Variants in HSD17B3 observed in about 807,000 individuals in gnomAD.
HSD17B3 encodes the protein hydroxysteroid 17-beta dehydrogenase 3.
HSD17B3 carries 29 observed loss-of-function variants against 41.1 expected under a neutral mutation model. The ratio of observed to expected loss-of-function variants is 0.71; its 90% CI spans 0.53 to 0.96. HSD17B3 has a LOEUF of 0.96. HSD17B3 is among the 40% of genes least tolerant of loss of function. HSD17B3 has a pLI of 0.00. For synonymous variants in HSD17B3, 126 were observed against 145.6 expected (o/e 0.87, Z 0.97); for missense variants, 323 against 374.6 (o/e 0.86, Z 1.14).
chr9:96,258,837 G>A (rs1825759334), intron 2 of HSD17B3, among the ~76,000 whole-genome samples: 1 of 152,028 alleles, frequency 6.6e-6, no homozygotes, highest in African/African-American at 2.4e-5. Context: ...TTTCTTGTTA[G>A]GTTTGTGTTA....
chr9:96,236,193 T>TC (rs1190533186), intron 10 of HSD17B3, among the ~76,000 whole-genome samples: 1 of 151,804 alleles, frequency 6.6e-6, no homozygotes, highest in African/African-American at 2.4e-5. Flanking sequence ...CCACTTGTCT[T>TC]CAAGTCCTTT....
At chr9:96,289,674 A>C (rs1827071438) in intron 2 of HSD17B3, among the ~76,000 whole-genome samples, 1 of 152,158 alleles carries the variant, frequency 6.6e-6, no homozygotes, top group Non-Finnish European at 1.5e-5. Context: ...GGCCTTTTAG[A>C]GGTTCCATGT....
At chr9:96,281,105 C>G (rs1426861066) in intron 2 of HSD17B3, among the ~76,000 whole-genome samples, 1 of 152,102 alleles carries the variant, frequency 6.6e-6, no homozygotes, top group Non-Finnish European at 1.5e-5. Context: ...CTTTCCTGCT[C>G]AAGACCCAAG....
intron 2 of HSD17B3, among the ~76,000 whole-genome samples, chr9:96,267,733 TAAA>T (rs1380177300): frequency 6.6e-6 from 1 of 151,542 alleles, no homozygotes; most frequent in African/African-American, 2.4e-5. Flanking sequence ...GGAAGAGAAA[TAAA>T]GAATGTTTTC....
chr9:96,265,331 T>A (rs1826013113), intron 2 of HSD17B3, among the ~76,000 whole-genome samples: 1 of 152,266 alleles, frequency 6.6e-6, no homozygotes, highest in Admixed American at 6.5e-5. Context: ...TTCACTCAGA[T>A]CTTTTGTCTT....
At chr9:96,278,372 A>G (rs1029283513) in intron 2 of HSD17B3, among the ~76,000 whole-genome samples, 2 of 152,250 alleles carry the variant, frequency 1.3e-5, no homozygotes, top group East Asian at 3.8e-4. Context: ...CAATATATTA[A>G]GAAGTCATAC....
rs112919634 is a variant in HSD17B3, at chr9:96,287,453, G to A, written c.201+10963C>T. Among the ~76,000 whole-genome samples, 6 of 152,354 alleles carry A rather than the reference G, an allele frequency of 3.9e-5. 1 individual carries two copies. The highest frequency in any genetic ancestry group is 1.4e-4 in the African/African-American group (6 of 41,594). ...TGGCCGGGCGTGGTGGCTCACGCCT[G>A]TAATGCCAGCACTTTGGGAGGCCGA... is the stretch of plus-strand genomic sequence containing the variant. On this transcript the variant is annotated intron_variant, in intron 2 of 10. Transcript: ENST00000375263.
At chr9:96,273,191 A>T (rs1826328781) in intron 2 of HSD17B3, among the ~76,000 whole-genome samples, 1 of 152,184 alleles carries the variant, frequency 6.6e-6, no homozygotes, top group Non-Finnish European at 1.5e-5. Context: ...AGATGTTACC[A>T]TTAGGAGAAA....
rs571647873 is a variant in HSD17B3, at chr9:96,287,432, C to T, written c.201+10984G>A. Among the ~76,000 whole-genome samples, 10 of 152,294 alleles carry T rather than the reference C, an allele frequency of 6.6e-5. No individual in the cohort carries two copies. The South Asian group carries it at 1.0e-3, about 16-fold the overall frequency. The stretch of plus-strand genomic sequence containing the variant: ...CGACCTTAATGATAACTTTACTGGC[C>T]GGGCGTGGTGGCTCACGCCTGTAAT... On this transcript the variant is annotated intron_variant, in intron 2 of 10. Transcript: ENST00000375263.
chr9:96,292,368 G>T (rs1450656139), intron 2 of HSD17B3, among the ~76,000 whole-genome samples: 1 of 152,092 alleles, frequency 6.6e-6, no homozygotes. Flanking sequence ...TGTTTTTATT[G>T]ATTTATTTAT....
intron 2 of HSD17B3, among the ~76,000 whole-genome samples, chr9:96,283,878 T>C (rs1377549952): frequency 6.6e-6 from 1 of 151,998 alleles, no homozygotes; most frequent in Non-Finnish European, 1.5e-5. Context: ...AGAGCTGAAA[T>C]GTTCATGAAT....
intron 2 of HSD17B3, among the ~76,000 whole-genome samples, chr9:96,285,781 C>T (rs1587778215): frequency 6.6e-6 from 1 of 152,114 alleles, no homozygotes; most frequent in East Asian, 1.9e-4. Flanking sequence ...AATAGTTAAG[C>T]AGGAATATCA....
intron 6 of HSD17B3, among the ~76,000 whole-genome samples, chr9:96,249,020 C>T (rs140710091): frequency 0.034 from 5,205 of 152,186 alleles, 222 homozygotes; most frequent in Admixed American, 0.12. Flanking sequence ...ATTCTCCTGC[C>T]TCAGCCTCCT....
intron 4 of HSD17B3, 76 bp downstream of exon 4, chr9:96,252,727 A>C: frequency 1.2e-6 from 1 of 828,916 alleles, no homozygotes; most frequent in Non-Finnish European, 2.1e-6. Context: ...CCATGAAATA[A>C]TCAAATGTCA....
intron 9 of HSD17B3, among the ~76,000 whole-genome samples, chr9:96,241,562 TA>T (rs1836438909): frequency 6.6e-6 from 1 of 152,210 alleles, no homozygotes; most frequent in Admixed American, 6.5e-5. Context: ...ACCTGTGGGC[TA>T]ACCACATTGT....
chr9:96,252,668 C>G lies in HSD17B3; in HGVS notation c.385+135G>C, dbSNP rs1300046397. On this transcript the variant is annotated intron_variant, in intron 4 of 10. Transcript: ENST00000375263. Reference sequence around the variant, plus strand: ...TCTAGAAGAAGTGTGCTTTGATATTCAACTTAATGGGACAGCTTAAAATAC... The same window carrying G: ...TCTAGAAGAAGTGTGCTTTGATATTGAACTTAATGGGACAGCTTAAAATAC... 7.2e-5 allele frequency: 50 copies of G among 698,712 alleles called. 1 individual carries two copies. Among genetic ancestry groups the G allele is most frequent in the South Asian group, 4.3e-4 (28 of 64,496 alleles). 43.3% of individuals were successfully genotyped at this position (698,712 alleles called of 1,614,324 possible).
At chr9:96,237,285 C>G (rs957929662) in intron 10 of HSD17B3, among the ~76,000 whole-genome samples, 1 of 152,212 alleles carries the variant, frequency 6.6e-6, no homozygotes, top group South Asian at 2.1e-4. Context: ...TCTACCCCTT[C>G]CCAGCCTGGA....
chr9:96,293,878 G>C (rs978957278), intron 2 of HSD17B3, among the ~76,000 whole-genome samples: 4 of 152,202 alleles, frequency 2.6e-5, no homozygotes, highest in African/African-American at 9.6e-5. Context: ...AGGTGAGACT[G>C]TTATCACTTC....
At chr9:96,248,325 T>C (rs1836755196) in intron 6 of HSD17B3, among the ~76,000 whole-genome samples, 2 of 152,214 alleles carry the variant, frequency 1.3e-5, no homozygotes, top group Non-Finnish European at 2.9e-5. Context: ...AAATAGTTAT[T>C]GTCCGCCCAA....
Sources: gnomAD v4.1 joint callset for allele counts (sites outside exome capture counted in the v4.1 genomes callset) on GRCh38, gnomAD v4.1.1 for gene constraint, MANE v1.5 for transcripts, NCBI Gene and HGNC (gene_info 2026-07-23, HGNC 2026-07-21) for gene names.